The following CTNNA2 variants were observed in gnomAD, a reference collection of about 807,000 sequenced individuals.
CTNNA2 encodes catenin alpha 2.
Under a neutral mutation model 101.0 loss-of-function variants are expected in CTNNA2, and 42 were observed. The observed-to-expected ratio is 0.42, with a 90% confidence interval of 0.32 to 0.54. The LOEUF is 0.54. Ranked by LOEUF, CTNNA2 falls within the 20% of genes least tolerant of loss-of-function variation. CTNNA2 has a pLI of 0.14. For synonymous variants in CTNNA2, 450 were observed against 456.4 expected, an observed-to-expected ratio of 0.99 and a Z score of 0.18; for missense variants, 871 against 1,223.1, an observed-to-expected ratio of 0.71 and a Z score of 4.29.
chr2:80,394,827 G>A (rs1046523671), intron 8 of CTNNA2, among the ~76,000 whole-genome samples: 1 of 151,922 alleles, frequency 6.6e-6, no homozygotes, highest in Non-Finnish European at 1.5e-5. Flanking sequence ...TCCTATGTCA[G>A]AGGTCCCAAT....
chr2:79,407,354 GGT>G (rs896303000), intron 4 of CTNNA2, among the ~76,000 whole-genome samples: 2 of 151,966 alleles, frequency 1.3e-5, no homozygotes, highest in African/African-American at 4.8e-5. Context: ...TAGGTGGTAA[GGT>G]GAGGCTGCCT....
chr2:80,421,050 T>C (rs1215379941), intron 9 of CTNNA2, among the ~76,000 whole-genome samples: 1 of 152,148 alleles, frequency 6.6e-6, no homozygotes. Context: ...ATCCAGAGTC[T>C]TTCCAAGGTT....
chr2:79,959,939 TTTAATG>T (rs1689513959), intron 7 of CTNNA2, among the ~76,000 whole-genome samples: 1 of 152,216 alleles, frequency 6.6e-6, no homozygotes, highest in Admixed American at 6.5e-5. Flanking sequence ...TTTAATTTAA[TTTAATG>T]GAGAATATTC....
intron 2 of CTNNA2, among the ~76,000 whole-genome samples, chr2:79,666,635 C>G (rs1237367559): frequency 6.6e-6 from 1 of 152,182 alleles, no homozygotes; most frequent in East Asian, 1.9e-4. Flanking sequence ...AGTGCTGACA[C>G]AGGAGATTTT....
At chr2:79,234,431 T>C (rs779442926) in intron 2 of CTNNA2, among the ~76,000 whole-genome samples, 6 of 152,174 alleles carry the variant, frequency 3.9e-5, no homozygotes, top group Non-Finnish European at 5.9e-5. Context: ...GCATTCTTTA[T>C]AGGTGACCTA....
intron 3 of CTNNA2, among the ~76,000 whole-genome samples, chr2:79,779,855 G>A (rs184345548): frequency 1.0e-3 from 157 of 152,202 alleles, no homozygotes; most frequent in Non-Finnish European, 1.8e-3. Flanking sequence ...CTGGTCCAGG[G>A]CATTCCAAAG....
chr2:79,944,266 T>C (rs1024912627), intron 7 of CTNNA2, among the ~76,000 whole-genome samples: 2 of 152,156 alleles, frequency 1.3e-5, no homozygotes, highest in Admixed American at 6.6e-5. Flanking sequence ...CCTAACACCT[T>C]GAAACAACCC....
At chr2:79,497,743 A>G (rs1190713182) in intron 4 of CTNNA2, among the ~76,000 whole-genome samples, 1 of 152,220 alleles carries the variant, frequency 6.6e-6, no homozygotes, top group Non-Finnish European at 1.5e-5. Context: ...TTAGAAAATT[A>G]CTACTCTCCT....
At chr2:80,378,549 T>C (rs1246954534) in intron 7 of CTNNA2, 1 of 152,032 alleles carries the variant, frequency 6.6e-6, no homozygotes, top group African/African-American at 2.4e-5. Context: ...GTATATATGA[T>C]TAACAAATGC....
At chr2:80,030,570 G>A (rs1420486271) in intron 7 of CTNNA2, 1 of 152,124 alleles carries the variant, frequency 6.6e-6, no homozygotes, top group African/African-American at 2.4e-5. Flanking sequence ...AGACAAAGCA[G>A]GATGTAGAGA....
At chr2:79,609,203 T>G (rs1353315475) in intron 1 of CTNNA2, among the ~76,000 whole-genome samples, 1 of 151,920 alleles carries the variant, frequency 6.6e-6, no homozygotes, top group African/African-American at 2.4e-5. Flanking sequence ...AGTAAACAAA[T>G]AAACTCTGTT....
chr2:79,188,207 C>CATG lies in CTNNA2; in HGVS notation c.-524+2778_-524+2780dup, dbSNP rs565237212. Among the ~76,000 whole-genome samples the CATG allele has an allele frequency of 3.6e-3, 551 of 152,238 alleles. 4 individuals carry two copies. Among genetic ancestry groups the CATG allele is most frequent in the African/African-American group, 0.013 (528 of 41,540 alleles). ...TACAGCAGTCATATATCTTATGATG[C>CATG]ATGACATTCTAGACTAGATAAAATA... is the stretch of plus-strand genomic sequence containing the variant. On this transcript the variant is annotated intron_variant, in intron 1 of 21. Transcript: ENST00000466387.
chr2:79,851,763 A>G (rs1341526875), intron 3 of CTNNA2, among the ~76,000 whole-genome samples: 2 of 90,944 alleles, frequency 2.2e-5, no homozygotes, highest in Admixed American at 1.5e-4. Context: ...TTTTTTTGAG[A>G]CAGAATCTCA....
chr2:80,189,783 A>AC (rs1410398587), intron 7 of CTNNA2, among the ~76,000 whole-genome samples: 1 of 152,104 alleles, frequency 6.6e-6, no homozygotes, highest in African/African-American at 2.4e-5. Flanking sequence ...ACACACACAC[A>AC]ATAAAACAAA....
intron 10 of CTNNA2, among the ~76,000 whole-genome samples, chr2:80,545,427 C>T (rs1299984886): frequency 6.6e-6 from 1 of 152,068 alleles, no homozygotes; most frequent in Non-Finnish European, 1.5e-5. Flanking sequence ...TTCCTGTAGT[C>T]CCAGTTTACT....
At chr2:79,853,146 G>T (rs1440483226) in intron 3 of CTNNA2, among the ~76,000 whole-genome samples, 1 of 152,052 alleles carries the variant, frequency 6.6e-6, no homozygotes, top group East Asian at 1.9e-4. Context: ...GGGATTACAG[G>T]TGTGAGCCAC....
In CTNNA2 at chr2:79,743,915, A is replaced by C. The variant is rs542481160; in HGVS notation, c.103-472A>C. Among the ~76,000 whole-genome samples the C allele has an allele frequency of 3.9e-5, 6 of 152,282 alleles. No homozygotes were observed. In the East Asian group the frequency reaches 9.7e-4, roughly 25 times the overall value. ...AGTCCTTGGAAAATAACACATAAGT[A>C]CCGGGTGTTGGCTACTCATTATTTA... is the stretch of plus-strand genomic sequence containing the variant. On this transcript the variant is annotated intron_variant, in intron 2 of 18. Transcript: ENST00000402739.
chr2:79,542,819 A>G (rs971381139), intron 1 of CTNNA2, among the ~76,000 whole-genome samples: 1 of 152,180 alleles, frequency 6.6e-6, no homozygotes, highest in Non-Finnish European at 1.5e-5. Context: ...GTTAAAAACT[A>G]TCAAAAATGA....
chr2:79,287,118 A>G (rs1675620047), intron 2 of CTNNA2, among the ~76,000 whole-genome samples: 1 of 151,986 alleles, frequency 6.6e-6, no homozygotes, highest in Admixed American at 6.6e-5. Context: ...AGCTCCTTTA[A>G]GCACTTCTCT....
Sources: allele counts gnomAD v4.1 joint callset (sites outside exome capture counted in the v4.1 genomes callset), GRCh38; gene constraint gnomAD v4.1.1; transcripts MANE v1.5; gene names NCBI Gene and HGNC (gene_info 2026-07-23, HGNC 2026-07-21).